MYO1D: variants seen among roughly 807,000 people sequenced by gnomAD.
The protein encoded by MYO1D is myosin ID, also known as unconventional myosin-Id.
A neutral mutation model predicts 122.0 loss-of-function variants in MYO1D; 83 were observed. That is an observed-to-expected ratio of 0.68 (90% CI 0.57 to 0.82). The LOEUF is 0.82. Among genes scored for constraint, MYO1D ranks in the 40% least tolerant of loss-of-function variants. MYO1D has a pLI of 0.00. For missense variants in MYO1D, 1,157 were observed against 1,269.5 expected (o/e 0.91, Z 1.35); for synonymous variants, 464 against 446.9 (o/e 1.04, Z -0.48).
In MYO1D at chr17:32,760,561, A is replaced by G; in HGVS notation, c.1102T>C (p.Tyr368His). 9 of 1,613,838 alleles carry G rather than the reference A, an allele frequency of 5.6e-6. No homozygotes were observed. Among genetic ancestry groups the G allele is most frequent in the Non-Finnish European group, 7.6e-6 (9 of 1,179,784 alleles). The part of the protein sequence containing the change: ...RINDIIEVKN[Y>H]DTTIHGKNTV... ...TTTTTCCCATGGATTGTGGTGTCAT[A>G]GTTCTTGACCTCAATAATATCATTG... Residue 368 changes from tyrosine (Y) to histidine (H), a missense_variant, in exon 9 of 22, where the codon TAT becomes CAT. By Grantham distance (83) the Tyr-to-His change is moderately conservative. Coordinates refer to ENST00000318217, the MANE Select transcript of MYO1D (RefSeq NM_015194.3).
At chr17:32,559,746 C>G (rs1021622893) in intron 21 of MYO1D, among the ~76,000 whole-genome samples, 21 of 152,330 alleles carry the variant, frequency 1.4e-4, no homozygotes, top group Non-Finnish European at 1.5e-4. Flanking sequence ...CACATTTCAT[C>G]ATTTCCATCC....
intron 20 of MYO1D, among the ~76,000 whole-genome samples, chr17:32,607,148 A>T (rs916818563): frequency 9.9e-5 from 15 of 151,902 alleles, no homozygotes; most frequent in Admixed American, 3.3e-4. Context: ...CAACAGAGCG[A>T]GACTCCATCT....
At chr17:32,731,904 C>T (rs1319153204) in intron 14 of MYO1D, among the ~76,000 whole-genome samples, 1 of 152,224 alleles carries the variant, frequency 6.6e-6, no homozygotes, top group Non-Finnish European at 1.5e-5. Flanking sequence ...CTCCCGGGGA[C>T]ATGGGAAGCT....
At chr17:32,598,879 G>A (rs929224544) in intron 21 of MYO1D, among the ~76,000 whole-genome samples, 2 of 152,148 alleles carry the variant, frequency 1.3e-5, no homozygotes, top group Admixed American at 6.5e-5. Flanking sequence ...TTAATTAAGC[G>A]GATATTAAAG....
intron 12 of MYO1D, among the ~76,000 whole-genome samples, chr17:32,747,947 T>C (rs1014464682): frequency 1.3e-5 from 2 of 152,050 alleles, no homozygotes; most frequent in African/African-American, 4.8e-5. Flanking sequence ...GAATGTCCAG[T>C]GCTACTAGAA....
rs1372975806 is a variant in MYO1D, at chr17:32,775,924, G to C, written c.504C>G (p.Ile168Met). 1.2e-6 allele frequency: 2 copies of C among 1,613,622 alleles called. No individual in the cohort carries two copies. Among genetic ancestry groups the C allele is most frequent in the African/African-American group, 2.7e-5 (2 of 74,904 alleles). ...TAGGGTCACCCTTGAAGTCAAAGTT[G>C]ATATCCATGTATTTTCCAAACCTGC... ...NSSRFGKYMDINFDFKGDPIG... is the reference protein window; with the variant it reads ...NSSRFGKYMDMNFDFKGDPIG... The change falls in exon 4 of 22, where the codon ATC becomes ATG. Residue 168 changes from isoleucine to methionine, a missense_variant. Ile to Met is a conservative substitution (Grantham distance 10). Transcript: ENST00000318217.
intron 16 of MYO1D, among the ~76,000 whole-genome samples, chr17:32,699,113 T>C (rs1427836914): frequency 6.6e-6 from 1 of 152,048 alleles, no homozygotes; most frequent in Non-Finnish European, 1.5e-5. Flanking sequence ...TACAGGTTTG[T>C]GTCATCACGC....
chr17:32,721,690 G>T (rs1314377105), intron 14 of MYO1D, among the ~76,000 whole-genome samples: 1 of 152,174 alleles, frequency 6.6e-6, no homozygotes, highest in South Asian at 2.1e-4. Context: ...GCATTAGTTT[G>T]CACTTTCGGA....
At chr17:32,521,495 G>A (rs9912387) in intron 21 of MYO1D, among the ~76,000 whole-genome samples, 89,324 of 152,132 alleles carry the variant, frequency 0.59, 27,164 homozygotes, top group Non-Finnish European at 0.67. Context: ...AATTGCTCCT[G>A]TGTTTAGTAG....
chr17:32,634,990 C>A (rs533719944), intron 20 of MYO1D, among the ~76,000 whole-genome samples: 1 of 152,148 alleles, frequency 6.6e-6, no homozygotes, highest in Non-Finnish European at 1.5e-5. Flanking sequence ...TAGGAATTAT[C>A]CATGCCATAC....
intron 21 of MYO1D, among the ~76,000 whole-genome samples, chr17:32,581,741 TTGTGTGTGTGTG>T (rs35563167): frequency 1.3e-5 from 2 of 148,276 alleles, no homozygotes; most frequent in African/African-American, 5.0e-5. Flanking sequence ...CCTGGCTAAT[TTGTGTGTGTGTG>T]TGTGTGTGTG....
intron 16 of MYO1D, among the ~76,000 whole-genome samples, chr17:32,699,744 A>G (rs945969658): frequency 6.6e-6 from 1 of 152,222 alleles, no homozygotes; most frequent in Non-Finnish European, 1.5e-5. Flanking sequence ...GAATGACAAA[A>G]TATTGTTAAT....
chr17:32,538,260 G>A (rs930951451), intron 21 of MYO1D, among the ~76,000 whole-genome samples: 2 of 146,608 alleles, frequency 1.4e-5, no homozygotes, highest in Non-Finnish European at 3.0e-5. Context: ...GTAGTCAAAG[G>A]CATCTAAGTA....
At chr17:32,735,504 T>C (rs2089691752) in intron 14 of MYO1D, among the ~76,000 whole-genome samples, 1 of 152,200 alleles carries the variant, frequency 6.6e-6, no homozygotes, top group South Asian at 2.1e-4. Flanking sequence ...TTTAAAGGCA[T>C]ATGTATTTCC....
intron 16 of MYO1D, among the ~76,000 whole-genome samples, chr17:32,695,694 TG>T (rs2089163190): frequency 6.6e-6 from 1 of 152,186 alleles, no homozygotes; most frequent in Non-Finnish European, 1.5e-5. Flanking sequence ...AAAATTTGAT[TG>T]GCCAAAATTA....
chr17:32,778,409 T>C (rs1317924330), intron 3 of MYO1D, 71 bp downstream of exon 3: 1 of 1,464,526 alleles, frequency 6.8e-7, no homozygotes, highest in East Asian at 2.3e-5. Flanking sequence ...ACCCCTAGAG[T>C]TTAGGTCTAG....
At chr17:32,736,571 G>A (rs936862668) in intron 14 of MYO1D, among the ~76,000 whole-genome samples, 1 of 152,180 alleles carries the variant, frequency 6.6e-6, no homozygotes, top group Admixed American at 6.5e-5. Flanking sequence ...AGTAATAAAT[G>A]TCTCTCTTAT....
At position 32,568,311 on chromosome 17, in the gene MYO1D, G is replaced by C. The variant is rs573186361; in HGVS notation, c.2864+36776C>G. Among the ~76,000 whole-genome samples the C allele has an allele frequency of 1.1e-4, 16 of 152,092 alleles. No homozygotes were observed. The South Asian group carries it at 2.9e-3, about 28-fold the overall frequency. ...GTTCAAAAAATTGTCATTGGAAACAGAGACAATCTTATAACCAACATTTAG... is the reference window on the plus strand; with the variant it reads ...GTTCAAAAAATTGTCATTGGAAACACAGACAATCTTATAACCAACATTTAG... On this transcript the variant is annotated intron_variant, in intron 21 of 21. Transcript: ENST00000318217.
intron 1 of MYO1D, among the ~76,000 whole-genome samples, chr17:32,813,699 C>A (rs1426810423): frequency 6.6e-6 from 1 of 152,152 alleles, no homozygotes; most frequent in African/African-American, 2.4e-5. Flanking sequence ...GATGCAAGGG[C>A]CTTCCAAGTC....
Sources: allele counts gnomAD v4.1 joint callset (sites outside exome capture counted in the v4.1 genomes callset), GRCh38; gene constraint gnomAD v4.1.1; transcripts MANE v1.5; gene names NCBI Gene and HGNC (gene_info 2026-07-23, HGNC 2026-07-21).